The following GSK3B variants were observed in gnomAD, a reference collection of about 807,000 sequenced individuals.
The protein encoded by GSK3B is glycogen synthase kinase 3 beta.
Under a neutral mutation model 56.4 loss-of-function variants are expected in GSK3B, and 15 were observed. That is an observed-to-expected ratio of 0.27 (90% CI 0.18 to 0.41). The LOEUF (loss-of-function observed/expected upper bound fraction) is 0.41. Among genes scored for constraint, GSK3B ranks in the 10% least tolerant of loss-of-function variants. GSK3B has a pLI of 1.00. For missense variants in GSK3B, 300 were observed against 513.4 expected, an observed-to-expected ratio of 0.58 and a Z score of 4.02; for synonymous variants, 181 against 188.9, an observed-to-expected ratio of 0.96 and a Z score of 0.34.
chr3:119,828,899 G>T (rs1394623435), intron 10 of GSK3B, among the ~76,000 whole-genome samples: 1 of 152,174 alleles, frequency 6.6e-6, no homozygotes, highest in Non-Finnish European at 1.5e-5. Flanking sequence ...ATGTACACAA[G>T]TGAAGATATT....
At chr3:120,053,808 GCT>G (rs1197855313) in intron 1 of GSK3B, among the ~76,000 whole-genome samples, 1 of 152,140 alleles carries the variant, frequency 6.6e-6, no homozygotes, top group Non-Finnish European at 1.5e-5. Flanking sequence ...CCCTGCACAA[GCT>G]CTCTCTTTGC....
chr3:119,847,405 G>A (rs975968788), intron 9 of GSK3B, among the ~76,000 whole-genome samples: 8 of 152,180 alleles, frequency 5.3e-5, no homozygotes, highest in South Asian at 2.1e-4. Flanking sequence ...GCTTGAACCC[G>A]CAAGGCAGAG....
intron 2 of GSK3B, among the ~76,000 whole-genome samples, chr3:119,994,459 G>A (rs1182259216): frequency 6.6e-6 from 1 of 152,040 alleles, no homozygotes; most frequent in African/African-American, 2.4e-5. Context: ...TGAGAAAAAG[G>A]TTATTTATGT....
chr3:120,093,286 T>C, intron 1 of GSK3B, 61 bp downstream of exon 1: 3 of 1,070,858 alleles, frequency 2.8e-6, no homozygotes, highest in Non-Finnish European at 4.3e-6. Context: ...TCCTGGTATT[T>C]CGAGGTTTCT....
chr3:120,015,926 G>A (rs2057822803), intron 1 of GSK3B, among the ~76,000 whole-genome samples: 1 of 152,102 alleles, frequency 6.6e-6, no homozygotes. Context: ...AAACAGAATG[G>A]AGGGCTTACT....
chr3:119,870,430 T>C (rs1188058041), intron 8 of GSK3B, among the ~76,000 whole-genome samples: 3 of 152,190 alleles, frequency 2.0e-5, no homozygotes, highest in Non-Finnish European at 2.9e-5. Context: ...AAATTAAAAA[T>C]AGAATTTTGT....
chr3:120,013,477 T>C (rs1406991107), intron 1 of GSK3B, among the ~76,000 whole-genome samples: 1 of 152,228 alleles, frequency 6.6e-6, no homozygotes, highest in Non-Finnish European at 1.5e-5. Flanking sequence ...CACAGTCTAA[T>C]AAATACTCTG....
intron 1 of GSK3B, among the ~76,000 whole-genome samples, chr3:120,004,330 G>C (rs1163337780): frequency 6.6e-6 from 1 of 152,186 alleles, no homozygotes; most frequent in Admixed American, 6.5e-5. Flanking sequence ...TCCACCTCTG[G>C]GGGCAGGGCA....
At chr3:120,002,269 C>T (rs182327894) in intron 1 of GSK3B, 30 bp from the exon 2 acceptor site, 27 of 1,371,926 alleles carry the variant, frequency 2.0e-5, no homozygotes, top group Admixed American at 4.9e-5. Context: ...TTTTTTTTCA[C>T]GAGAACTGTA....
At chr3:119,960,215 T>C (rs1412777475) in intron 2 of GSK3B, among the ~76,000 whole-genome samples, 1 of 151,362 alleles carries the variant, frequency 6.6e-6, no homozygotes, top group Non-Finnish European at 1.5e-5. Context: ...ATTCCATTTT[T>C]ATAACCTTCT....
chr3:120,051,172 C>A (rs2058146140), intron 1 of GSK3B, among the ~76,000 whole-genome samples: 3 of 145,932 alleles, frequency 2.1e-5, no homozygotes, highest in African/African-American at 2.6e-5. Context: ...AGTGGGCAAG[C>A]AAGAGAACAG....
intron 1 of GSK3B, among the ~76,000 whole-genome samples, chr3:120,085,023 T>C (rs1246905281): frequency 1.3e-5 from 2 of 152,168 alleles, no homozygotes; most frequent in African/African-American, 4.8e-5. Flanking sequence ...AAAGGACACA[T>C]AAGAAATTGT....
chr3:119,955,999 G>GA (rs564985232), intron 2 of GSK3B, among the ~76,000 whole-genome samples: 3 of 151,652 alleles, frequency 2.0e-5, no homozygotes, highest in East Asian at 1.9e-4. Flanking sequence ...AGATTGCTAT[G>GA]AAAAAAAATG....
intron 10 of GSK3B, among the ~76,000 whole-genome samples, chr3:119,839,236 A>G (rs2055736722): frequency 6.6e-6 from 1 of 152,244 alleles, no homozygotes. Flanking sequence ...TTAAAATTTA[A>G]TAAGACTTAA....
At chr3:119,828,505 C>T (rs533952475) in intron 10 of GSK3B, among the ~76,000 whole-genome samples, 2 of 152,260 alleles carry the variant, frequency 1.3e-5, no homozygotes, top group Non-Finnish European at 2.9e-5. Flanking sequence ...TTGGTGACAC[C>T]GAAAGGCAGA....
At chr3:120,009,076 T>C (rs1015695447) in intron 1 of GSK3B, among the ~76,000 whole-genome samples, 2 of 152,006 alleles carry the variant, frequency 1.3e-5, no homozygotes, top group Non-Finnish European at 2.9e-5. Context: ...AACAGACATA[T>C]GAAAAAATGC....
intron 1 of GSK3B, among the ~76,000 whole-genome samples, chr3:120,066,015 A>T (rs989338236): frequency 6.6e-6 from 1 of 152,168 alleles, no homozygotes; most frequent in Non-Finnish European, 1.5e-5. Context: ...AAAGCTCTGG[A>T]ACTAATTGGT....
chr3:120,007,286 A>G (rs1295998205), intron 1 of GSK3B, among the ~76,000 whole-genome samples: 1 of 152,206 alleles, frequency 6.6e-6, no homozygotes, highest in African/African-American at 2.4e-5. Flanking sequence ...CCAACCAAAA[A>G]AAGTCCAGGA....
chr3:119,960,151 CAA>C (rs574956694), intron 2 of GSK3B, among the ~76,000 whole-genome samples: 1,049 of 74,588 alleles, frequency 0.014, 3 homozygotes, highest in African/African-American at 0.049. Context: ...TATGCTGAGA[CAA>C]AAAAAAAAAA....
Sources: allele counts gnomAD v4.1 joint callset (sites outside exome capture counted in the v4.1 genomes callset), GRCh38; gene constraint gnomAD v4.1.1; transcripts MANE v1.5; gene names NCBI Gene and HGNC (gene_info 2026-07-23, HGNC 2026-07-21).